ANXA10: variants seen among roughly 807,000 people sequenced by gnomAD.
ANXA10 encodes the protein annexin A10, also known as annexin 14.
A neutral mutation model predicts 53.5 loss-of-function variants in ANXA10; 49 were observed. That is an observed-to-expected ratio of 0.92 (90% CI 0.73 to 1.16). The LOEUF is 1.16. Ranked by LOEUF, ANXA10 falls within the 50% of genes most tolerant of loss-of-function variation. ANXA10 has a pLI of 0.00. For missense variants in ANXA10, 393 were observed against 394.4 expected (o/e 1.00, Z 0.03); for synonymous variants, 131 against 128.9 (o/e 1.02, Z -0.11).
intron 9 of ANXA10, among the ~76,000 whole-genome samples, chr4:168,179,891 C>G (rs948006543): frequency 1.3e-5 from 2 of 152,162 alleles, no homozygotes; most frequent in Non-Finnish European, 2.9e-5. Context: ...AGAAAAACTG[C>G]AATAGAACTA....
chr4:168,151,927 A>C (rs1160354886), intron 3 of ANXA10, among the ~76,000 whole-genome samples: 1 of 152,130 alleles, frequency 6.6e-6, no homozygotes, highest in Non-Finnish European at 1.5e-5. Flanking sequence ...GCCAAGAATG[A>C]CTCCAAACAA....
chr4:168,141,081 C>T lies in ANXA10; in HGVS notation c.195+1501C>T, dbSNP rs575328576. ...ACAATTTTAAAATGAAGTACTTACA[C>T]TCAAGGAATTTAAAATCTACTAAAG... is the stretch of plus-strand genomic sequence containing the variant. On this transcript the variant is annotated intron_variant, in intron 3 of 11. Coordinates refer to ENST00000359299, the MANE Select transcript of ANXA10 (RefSeq NM_007193.5). 2.0e-5 allele frequency among the ~76,000 whole-genome samples: 3 copies of T among 152,318 alleles called. No individual in the cohort carries two copies. The East Asian group carries it at 5.8e-4, about 29-fold the overall frequency.
At chr4:168,140,618 C>CTTTT (rs35945870) in intron 3 of ANXA10, among the ~76,000 whole-genome samples, 1 of 147,050 alleles carries the variant, frequency 6.8e-6, no homozygotes, top group Non-Finnish European at 1.5e-5. Context: ...TAAGAAATGT[C>CTTTT]TTTTTTTTTT....
chr4:168,097,379 C>A lies in ANXA10; in HGVS notation c.18+4661C>A, dbSNP rs141399191. On this transcript the variant is annotated intron_variant, in intron 1 of 11. Coordinates refer to ENST00000359299, the MANE Select transcript of ANXA10 (RefSeq NM_007193.5). ...CACAATCGCCTTTGCCAGAAGTATTCCAGGGCCAAATTCTTGAAACTCTTC... is the reference window on the plus strand; with the variant it reads ...CACAATCGCCTTTGCCAGAAGTATTACAGGGCCAAATTCTTGAAACTCTTC... Among the ~76,000 whole-genome samples the A allele has an allele frequency of 3.5e-4, 53 of 152,112 alleles. No homozygotes were observed. The East Asian group carries it at 9.5e-3, about 27-fold the overall frequency.
At chr4:168,155,489 T>A (rs375272230) in intron 3 of ANXA10, among the ~76,000 whole-genome samples, 7 of 19,590 alleles carry the variant, frequency 3.6e-4, no homozygotes, top group Admixed American at 8.5e-4. Flanking sequence ...ATATATTATA[T>A]AATATATAAT....
At chr4:168,141,831 T>C (rs568903423) in intron 3 of ANXA10, among the ~76,000 whole-genome samples, 1 of 152,256 alleles carries the variant, frequency 6.6e-6, no homozygotes, top group South Asian at 2.1e-4. Context: ...TTTTTCATTA[T>C]CTAGTTTTTC....
chr4:168,171,444 T>G (rs1423984386), intron 6 of ANXA10, among the ~76,000 whole-genome samples: 1 of 152,160 alleles, frequency 6.6e-6, no homozygotes. Context: ...TCCCTATGCA[T>G]CTTCACTTTT....
Position 168,094,750 on chromosome 4 carries a change from C to A in ANXA10, c.18+2032C>A, listed in dbSNP as rs1194798076. Among the ~76,000 whole-genome samples, 7 of 151,886 alleles carry A rather than the reference C, an allele frequency of 4.6e-5. 1 individual carries two copies. Among genetic ancestry groups the A allele is most frequent in the Admixed American group, 3.9e-4 (6 of 15,240 alleles). ...AAGTATAGAAAATTTAAATATACTT[C>A]AAGCAAGAGACAAGAATCATGGAAA... On this transcript the variant is annotated intron_variant, in intron 1 of 11. Coordinates refer to ENST00000359299, the MANE Select transcript of ANXA10 (RefSeq NM_007193.5).
intron 1 of ANXA10, 78 bp downstream of exon 1, chr4:168,092,796 A>T: frequency 7.5e-7 from 1 of 1,331,298 alleles, no homozygotes; most frequent in Non-Finnish European, 1.0e-6. Flanking sequence ...GTGTTTTTTG[A>T]CGTTTTTAAC....
At chr4:168,152,390 G>C (rs987670012) in intron 3 of ANXA10, among the ~76,000 whole-genome samples, 6 of 152,146 alleles carry the variant, frequency 3.9e-5, no homozygotes, top group Non-Finnish European at 7.4e-5. Context: ...AGAGAAATCA[G>C]GAGCAAGGAG....
chr4:168,134,139 A>T (rs1379727549), intron 2 of ANXA10, among the ~76,000 whole-genome samples: 1 of 152,134 alleles, frequency 6.6e-6, no homozygotes, highest in Non-Finnish European at 1.5e-5. Flanking sequence ...TAAAACAAAA[A>T]TAACATAACT....
intron 1 of ANXA10, chr4:168,127,737 C>A: frequency 2.0e-6 from 1 of 497,912 alleles, no homozygotes; most frequent in African/African-American, 2.0e-5. Flanking sequence ...GTTTAACAGG[C>A]CTTGTGTGTA....
At chr4:168,184,439 A>G (rs1247295578) in intron 10 of ANXA10, 120 bp from the exon 11 acceptor site, 2 of 1,169,624 alleles carry the variant, frequency 1.7e-6, no homozygotes, top group Non-Finnish European at 2.4e-6. Context: ...CAGTGATGCC[A>G]GTGTTGGAAG....
At chr4:168,149,090 ATAGT>A (rs1731452710) in intron 3 of ANXA10, among the ~76,000 whole-genome samples, 1 of 151,962 alleles carries the variant, frequency 6.6e-6, no homozygotes, top group African/African-American at 2.4e-5. Flanking sequence ...TGCTTTTAAG[ATAGT>A]TTTCTTTATT....
intron 9 of ANXA10, among the ~76,000 whole-genome samples, chr4:168,179,723 A>C (rs920113212): frequency 6.6e-6 from 1 of 152,212 alleles, no homozygotes; most frequent in Admixed American, 6.5e-5. Context: ...TTTAGTGACC[A>C]TTACTAATAA....
chr4:168,178,835 A>C (rs901411513), intron 8 of ANXA10, among the ~76,000 whole-genome samples: 1 of 152,198 alleles, frequency 6.6e-6, no homozygotes, highest in African/African-American at 2.4e-5. Context: ...TTTTACACTT[A>C]ATTCTCATAT....
intron 3 of ANXA10, among the ~76,000 whole-genome samples, chr4:168,156,525 C>G (rs553186368): frequency 1.1e-4 from 16 of 145,972 alleles, no homozygotes; most frequent in African/African-American, 2.5e-4. Flanking sequence ...TTTTTTGAGA[C>G]GGAGTCTCCA....
chr4:168,182,416 T>C (rs897050636), intron 10 of ANXA10, among the ~76,000 whole-genome samples: 22 of 132,210 alleles, frequency 1.7e-4, no homozygotes, highest in East Asian at 9.9e-4. Context: ...CTGCAAGCTC[T>C]GCCTCCCGGG....
At chr4:168,182,318 ATTTTTTTTT>A (rs542260478) in intron 10 of ANXA10, among the ~76,000 whole-genome samples, 116 of 49,752 alleles carry the variant, frequency 2.3e-3, no homozygotes, top group African/African-American at 9.7e-3. Context: ...TGGAGCATTA[ATTTTTTTTT>A]TTTTTTTTTT....
Sources: allele counts gnomAD v4.1 joint callset (sites outside exome capture counted in the v4.1 genomes callset), GRCh38; gene constraint gnomAD v4.1.1; transcripts MANE v1.5; gene names NCBI Gene and HGNC (gene_info 2026-07-23, HGNC 2026-07-21).